Variants in P2RY8 observed in about 807,000 individuals in gnomAD.
The protein encoded by P2RY8 is S-geranylgeranyl-glutathione receptor P2RY8.
P2RY8 carries 6 observed loss-of-function variants against 10.0 expected under a neutral mutation model. The ratio of observed to expected loss-of-function variants is 0.60; its 90% CI spans 0.33 to 1.19. P2RY8 has a LOEUF of 1.19. Ranked by LOEUF, P2RY8 falls within the 50% of genes most tolerant of loss-of-function variation. P2RY8 has a pLI of 0.04. For missense variants in P2RY8, 456 were observed against 542.0 expected, an observed-to-expected ratio of 0.84 and a Z score of 1.58; for synonymous variants, 276 against 252.5, an observed-to-expected ratio of 1.09 and a Z score of -0.88.
intron 1 of P2RY8, among the ~76,000 whole-genome samples, chrX:1,492,167 A>T (rs1367264628): frequency 6.6e-6 from 1 of 151,942 alleles, no homozygotes; most frequent in African/African-American, 2.4e-5. Flanking sequence ...ATCACTGAGG[A>T]TAGGGGGGTG....
rs1381744462 is a variant in P2RY8 at position 1,514,648 on chromosome X, TTTCC to T, written c.-25+22269_-25+22272del. Reference sequence around the variant, plus strand: ...TCCTTTTCCTTTCCCTTCCCTTCCCTTTCCTCCCCTCCCTTCCCTTCCCTTCCTT... The same window carrying T: ...TCCTTTTCCTTTCCCTTCCCTTCCCTTCCCCTCCCTTCCCTTCCCTTCCTT... On this transcript the variant is annotated intron_variant, in intron 1 of 1. Transcript: ENST00000381297. Among the ~76,000 whole-genome samples the T allele has an allele frequency of 4.3e-4, 17 of 39,876 alleles. 7 individuals carry two copies. The highest frequency in any genetic ancestry group is 2.2e-3 in the African/African-American group (17 of 7,556). 26.2% of individuals were successfully genotyped at this position (39,876 alleles called of 152,430 possible). A position where few individuals can be genotyped will look rare whatever the true frequency, so the allele number is the denominator to read the frequency against.
chrX:1,519,688 T>C (rs1342401200), intron 1 of P2RY8, among the ~76,000 whole-genome samples: 3 of 152,060 alleles, frequency 2.0e-5, no homozygotes, highest in African/African-American at 7.2e-5. Flanking sequence ...TCCACAATCA[T>C]CCCCTTGGTC....
intron 1 of P2RY8, among the ~76,000 whole-genome samples, chrX:1,469,194 C>A (rs1333523075): frequency 2.1e-5 from 3 of 141,366 alleles, no homozygotes; most frequent in Non-Finnish European, 4.6e-5. Flanking sequence ...TTTCTTTTCG[C>A]AGTCTGTCAT....
At chrX:1,490,638 C>A (rs2092036916) in intron 1 of P2RY8, among the ~76,000 whole-genome samples, 2 of 128,862 alleles carry the variant, frequency 1.6e-5, no homozygotes, top group African/African-American at 6.0e-5. Context: ...TCCAGGGATT[C>A]TCCACAAATG....
chrX:1,470,322 C>G (rs1262668856), intron 1 of P2RY8, among the ~76,000 whole-genome samples: 1 of 152,034 alleles, frequency 6.6e-6, no homozygotes, highest in Non-Finnish European at 1.5e-5. Context: ...GACCAGCCTT[C>G]CCAACATGGT....
chrX:1,534,190 ATATT>A (rs1342315175), intron 1 of P2RY8, among the ~76,000 whole-genome samples: 27 of 139,386 alleles, frequency 1.9e-4, no homozygotes, highest in African/African-American at 6.9e-4. Flanking sequence ...ATATTTATAT[ATATT>A]TACATATATA....
At chrX:1,480,301 T>C (rs1470939670) in intron 1 of P2RY8, among the ~76,000 whole-genome samples, 1 of 152,226 alleles carries the variant, frequency 6.6e-6, no homozygotes. Flanking sequence ...TCTTTCTTTT[T>C]TTTTTTTATT....
At chrX:1,488,345 T>G (rs1432480083) in intron 1 of P2RY8, among the ~76,000 whole-genome samples, 3 of 152,302 alleles carry the variant, frequency 2.0e-5, no homozygotes, top group African/African-American at 7.2e-5. Context: ...CTGCTCGCTG[T>G]CAGGCACAGA....
intron 1 of P2RY8, among the ~76,000 whole-genome samples, chrX:1,527,270 C>T (rs2092445481): frequency 1.3e-5 from 2 of 152,154 alleles, no homozygotes; most frequent in Admixed American, 6.6e-5. Flanking sequence ...TTCATCTACT[C>T]ATTCATTCAT....
intron 1 of P2RY8, among the ~76,000 whole-genome samples, chrX:1,508,704 T>TCCATCCATCCATCCATCCATCTATTCTA (rs1201683452): frequency 8.9e-6 from 1 of 111,974 alleles, no homozygotes; most frequent in Non-Finnish European, 2.0e-5. Flanking sequence ...CATCCATCCA[T>TCCATCCATCCATCCATCCATCTATTCTA]TCTATCTATC....
At position 1,488,051 on chromosome X, in the gene P2RY8, G is replaced by A. The variant is rs572041653; in HGVS notation, c.-24-21469C>T. On this transcript the variant is annotated intron_variant, in intron 1 of 1. Coordinates refer to ENST00000381297, the MANE Select transcript of P2RY8 (RefSeq NM_178129.5). ...CTTGAACCTGGGAGGTGGAGGTTGCGGTGAGCCAAGATCGTGCCGCTGCAC... is the reference window on the plus strand; with the variant it reads ...CTTGAACCTGGGAGGTGGAGGTTGCAGTGAGCCAAGATCGTGCCGCTGCAC... 7.9e-5 allele frequency among the ~76,000 whole-genome samples: 12 copies of A among 152,028 alleles called. No individual in the cohort carries two copies. In the South Asian group the frequency reaches 1.0e-3, roughly 13 times the overall value.
At chrX:1,509,095 C>CTATGTATCTATG (rs1569538099) in intron 1 of P2RY8, among the ~76,000 whole-genome samples, 17 of 137,872 alleles carry the variant, frequency 1.2e-4, no homozygotes, top group African/African-American at 2.1e-4. Flanking sequence ...ATCTATGTAT[C>CTATGTATCTATG]TATGTATCTA....
intron 1 of P2RY8, among the ~76,000 whole-genome samples, chrX:1,478,045 C>G (rs1431541248): frequency 3.3e-5 from 5 of 152,074 alleles, no homozygotes; most frequent in Non-Finnish European, 7.4e-5. Context: ...TTCAGGAAGA[C>G]AGATGGAACA....
In P2RY8 at chrX:1,465,945, G is replaced by T; in HGVS notation, c.614C>A (p.Pro205Gln). Residue 205 changes from proline to glutamine, a missense_variant, in exon 2 of 2, where the codon CCG becomes CAG. Transcript: ENST00000381297. ...FTIFILLFLI[P>Q]FVITVACYTA... ...GTAACAAGCCACGGTGATCACGAAC[G>T]GGATGAGGAACAGCAGGATGAAGAT... The T allele has an allele frequency of 3.7e-6, 6 of 1,612,514 alleles. No homozygotes were observed. The highest frequency in any genetic ancestry group is 5.1e-6 in the Non-Finnish European group (6 of 1,179,798).
chrX:1,533,286 A>T (rs1324261761), intron 1 of P2RY8, among the ~76,000 whole-genome samples: 1 of 149,786 alleles, frequency 6.7e-6, no homozygotes, highest in East Asian at 1.9e-4. Context: ...TTCTGAAAAA[A>T]TCTTCTGAGG....
intron 1 of P2RY8, among the ~76,000 whole-genome samples, chrX:1,531,941 C>G (rs1331031286): frequency 6.6e-6 from 1 of 152,132 alleles, no homozygotes; most frequent in Non-Finnish European, 1.5e-5. Flanking sequence ...GAACAGGGAA[C>G]ACGTCTGCAC....
At position 1,465,689 on chromosome X, in the gene P2RY8, C is replaced by T. The variant is rs779537821; in HGVS notation, c.870G>A (p.Pro290=). The stretch of plus-strand genomic sequence containing the variant: ...CCCGGGACGCAAAGTAATAAACAAA[C>T]GGGTCCAGACAGTTGTTGAGGCAGC... ...CLSCLNNCLD[P]FVYYFASREF... is the part of the protein sequence containing the mutation. The change falls in exon 2 of 2, where the codon CCG becomes CCA. Residue 290 remains proline, a synonymous_variant. Coordinates refer to ENST00000381297, the MANE Select transcript of P2RY8 (RefSeq NM_178129.5). 1 of 1,613,596 alleles carries T rather than the reference C, an allele frequency of 6.2e-7. No individual in the cohort carries two copies. Among genetic ancestry groups the T allele is most frequent in the African/African-American group, 1.3e-5 (1 of 74,928 alleles).
intron 1 of P2RY8, among the ~76,000 whole-genome samples, chrX:1,493,564 C>T: frequency 6.6e-6 from 1 of 152,196 alleles, no homozygotes; most frequent in Middle Eastern, 3.4e-3. Context: ...TTTTTATTAG[C>T]GAAAAACCAA....
chrX:1,517,499 C>T (rs1244650857), intron 1 of P2RY8, among the ~76,000 whole-genome samples: 8 of 152,190 alleles, frequency 5.3e-5, no homozygotes, highest in African/African-American at 1.9e-4. Context: ...ACTGCTGTTC[C>T]ACCCTCCAGA....
Sources: allele counts gnomAD v4.1 joint callset (sites outside exome capture counted in the v4.1 genomes callset), GRCh38; gene constraint gnomAD v4.1.1; transcripts MANE v1.5; gene names NCBI Gene and HGNC (gene_info 2026-07-23, HGNC 2026-07-21).